FHIP1A: variants seen among roughly 807,000 people sequenced by gnomAD.
FHIP1A encodes the protein FHF complex subunit HOOK-interacting protein 1A.
A neutral mutation model predicts 88.6 loss-of-function variants in FHIP1A; 61 were observed. The observed-to-expected ratio is 0.69, with a 90% CI of 0.56 to 0.85. The LOEUF is 0.85. Among genes scored for constraint, FHIP1A ranks in the 40% least tolerant of loss-of-function variants. FHIP1A has a pLI of 0.00. For synonymous variants in FHIP1A, 478 were observed against 496.0 expected (o/e 0.96, Z 0.48); for missense variants, 1,154 against 1,273.5 (o/e 0.91, Z 1.43).
chr4:151,625,159 C>G (rs1461739271), intron 7 of FHIP1A, among the ~76,000 whole-genome samples: 2 of 152,196 alleles, frequency 1.3e-5, no homozygotes, highest in African/African-American at 4.8e-5. Flanking sequence ...TGTGATCCAG[C>G]CTTGTCATTC....
Position 151,649,694 on chromosome 4 carries a change from G to A in FHIP1A, c.1653G>A (p.Val551=). ...EEGSVSSACP[V]FGLPQQLPRK... is the part of the protein sequence containing the mutation. ...GCAGTGTGAGCTCGGCCTGCCCTGT[G>A]TTCGGGCTCCCGCAACAACTCCCCA... The change falls in exon 11 of 14, where the codon GTG becomes GTA. Residue 551 remains valine (V), a synonymous_variant. Transcript: ENST00000435205. The A allele has an allele frequency of 6.4e-7, 1 of 1,551,598 alleles. No individual in the cohort carries two copies. The highest frequency in any genetic ancestry group is 1.2e-5 in the South Asian group (1 of 84,054).
intron 1 of FHIP1A, among the ~76,000 whole-genome samples, chr4:151,429,566 A>AG (rs1733514457): frequency 6.6e-6 from 1 of 152,230 alleles, no homozygotes; most frequent in Admixed American, 6.5e-5. Flanking sequence ...TTGATTAAAA[A>AG]TAATATCCAC....
chr4:151,489,062 C>T (rs1470232127), intron 3 of FHIP1A, among the ~76,000 whole-genome samples: 1 of 152,100 alleles, frequency 6.6e-6, no homozygotes, highest in Non-Finnish European at 1.5e-5. Context: ...ATTCACAGAC[C>T]CTTTGAAAGA....
At chr4:151,529,090 TAA>T (rs1731783301) in intron 3 of FHIP1A, among the ~76,000 whole-genome samples, 1 of 152,152 alleles carries the variant, frequency 6.6e-6, no homozygotes. Flanking sequence ...AGCAGCTTGG[TAA>T]ATGGCTTTCT....
rs150440340 is a variant in FHIP1A, at chr4:151,486,473, C to T, written c.-123+3825C>T. 2.6e-4 allele frequency among the ~76,000 whole-genome samples: 39 copies of T among 152,198 alleles called. No individual in the cohort carries two copies. In the East Asian group the frequency reaches 6.4e-3, roughly 25 times the overall value. ...ATAACTCAGTTTATGTGCATTTTAA[C>T]GAGCTCTCCAAAGTAGTTCTCATAT... is the stretch of plus-strand genomic sequence containing the variant. On this transcript the variant is annotated intron_variant, in intron 3 of 13. Coordinates refer to ENST00000435205, the MANE Select transcript of FHIP1A (RefSeq NM_001109977.3).
chr4:151,504,839 A>G (rs1439847680), intron 3 of FHIP1A, among the ~76,000 whole-genome samples: 2 of 152,160 alleles, frequency 1.3e-5, no homozygotes, highest in Non-Finnish European at 2.9e-5. Context: ...GCTGGTCTCA[A>G]ACTGCTGCCT....
intron 7 of FHIP1A, among the ~76,000 whole-genome samples, chr4:151,598,076 A>G (rs1335984893): frequency 6.6e-6 from 1 of 151,880 alleles, no homozygotes; most frequent in African/African-American, 2.4e-5. Flanking sequence ...CCACTGGGGT[A>G]TTAAAAAAAA....
chr4:151,485,932 C>CT (rs34849651), intron 3 of FHIP1A, among the ~76,000 whole-genome samples: 3 of 152,112 alleles, frequency 2.0e-5, no homozygotes, highest in African/African-American at 4.8e-5. Context: ...AGTCTCCAAC[C>CT]TTTTGGCACC....
At chr4:151,462,197 A>C (rs1237551618) in intron 2 of FHIP1A, among the ~76,000 whole-genome samples, 1 of 152,120 alleles carries the variant, frequency 6.6e-6, no homozygotes, top group Non-Finnish European at 1.5e-5. Context: ...TTTGAGGGTA[A>C]GGCTGACCAT....
intron 3 of FHIP1A, among the ~76,000 whole-genome samples, chr4:151,551,042 G>T (rs1732709754): frequency 6.6e-6 from 1 of 152,190 alleles, no homozygotes; most frequent in African/African-American, 2.4e-5. Context: ...GCTGTCTTTG[G>T]CAGAGGGAAA....
At chr4:151,416,886 C>T (rs939565913) in intron 1 of FHIP1A, among the ~76,000 whole-genome samples, 3 of 152,030 alleles carry the variant, frequency 2.0e-5, no homozygotes, top group Non-Finnish European at 2.9e-5. Context: ...TAGGCTCAAG[C>T]GAATCTCCCA....
intron 3 of FHIP1A, among the ~76,000 whole-genome samples, chr4:151,536,910 C>G (rs548595069): frequency 6.6e-6 from 1 of 152,108 alleles, no homozygotes; most frequent in East Asian, 1.9e-4. Flanking sequence ...TGTCTTACTC[C>G]GTTGCCCAGG....
intron 2 of FHIP1A, among the ~76,000 whole-genome samples, chr4:151,480,393 T>C (rs1042998705): frequency 3.0e-4 from 45 of 152,180 alleles, no homozygotes; most frequent in African/African-American, 1.1e-3. Flanking sequence ...GAAGTATTTC[T>C]CATGAATTAG....
chr4:151,584,887 C>T (rs1290850649), intron 5 of FHIP1A, among the ~76,000 whole-genome samples: 1 of 152,130 alleles, frequency 6.6e-6, no homozygotes, highest in African/African-American at 2.4e-5. Context: ...CTCCTACGTA[C>T]TCTTCACCAG....
At chr4:151,654,921 T>A (rs1737171355) in intron 11 of FHIP1A, among the ~76,000 whole-genome samples, 1 of 152,146 alleles carries the variant, frequency 6.6e-6, no homozygotes, top group South Asian at 2.1e-4. Flanking sequence ...CATGTTGAGA[T>A]CCCTTAGAGA....
chr4:151,520,346 T>C (rs1731406201), intron 3 of FHIP1A, among the ~76,000 whole-genome samples: 1 of 152,134 alleles, frequency 6.6e-6, no homozygotes, highest in South Asian at 2.1e-4. Context: ...GTTGGTGCCT[T>C]TATTGAAAAT....
At chr4:151,494,975 C>T (rs1730408560) in intron 3 of FHIP1A, among the ~76,000 whole-genome samples, 1 of 152,080 alleles carries the variant, frequency 6.6e-6, no homozygotes, top group South Asian at 2.1e-4. Context: ...CTTTGGCTTT[C>T]AACTTGGATG....
At chr4:151,563,554 C>A (rs931298654) in intron 3 of FHIP1A, among the ~76,000 whole-genome samples, 8 of 152,168 alleles carry the variant, frequency 5.3e-5, no homozygotes, top group Non-Finnish European at 1.2e-4. Context: ...TCTGATGATG[C>A]CATATTCATG....
In FHIP1A at chr4:151,669,211, C is replaced by G. The variant is rs1389359576; in HGVS notation, c.*6457C>G. On this transcript the variant is annotated 3_prime_UTR_variant, in exon 14 of 14. Coordinates refer to ENST00000435205, the MANE Select transcript of FHIP1A (RefSeq NM_001109977.3). ...TTTTTCCTAGCAGCAGTGATGATAT[C>G]AACTTACAAGGTTTGGCTTTCAGGA... Among the ~76,000 whole-genome samples, 1 of 152,154 alleles carries G rather than the reference C, an allele frequency of 6.6e-6. No homozygotes were observed. Among genetic ancestry groups the G allele is most frequent in the African/African-American group, 2.4e-5 (1 of 41,432 alleles).
Sources: gnomAD v4.1 joint callset for allele counts (sites outside exome capture counted in the v4.1 genomes callset) on GRCh38, gnomAD v4.1.1 for gene constraint, MANE v1.5 for transcripts, NCBI Gene and HGNC (gene_info 2026-07-23, HGNC 2026-07-21) for gene names.